SPAG6: variants seen among roughly 807,000 people sequenced by gnomAD.
SPAG6 encodes the protein sperm-associated antigen 6.
SPAG6 carries 49 observed loss-of-function variants against 58.5 expected under a neutral mutation model. That is an observed-to-expected ratio of 0.84 (90% CI 0.67 to 1.06). The LOEUF is 1.06. SPAG6 is among the 50% of genes least tolerant of loss of function. The pLI is 0.00. For missense variants in SPAG6, 560 were observed against 611.3 expected (o/e 0.92, Z 0.89); for synonymous variants, 233 against 225.6 (o/e 1.03, Z -0.29).
At chr10:22,382,916 G>A (rs1588656490) in intron 4 of SPAG6, among the ~76,000 whole-genome samples, 1 of 152,122 alleles carries the variant, frequency 6.6e-6, no homozygotes, top group Non-Finnish European at 1.5e-5. Context: ...CATCAACCCA[G>A]TATAAATGCT....
At chr10:22,410,293 G>T (rs1834697345) in intron 9 of SPAG6, among the ~76,000 whole-genome samples, 1 of 152,136 alleles carries the variant, frequency 6.6e-6, no homozygotes, top group Non-Finnish European at 1.5e-5. Context: ...CTCAAGTATA[G>T]TTTCTGCCTT....
chr10:22,386,668 T>C, intron 4 of SPAG6, 86 bp from the exon 5 acceptor site: 1 of 986,988 alleles, frequency 1.0e-6, no homozygotes, highest in Non-Finnish European at 1.6e-6. Flanking sequence ...TCCCCTTTTT[T>C]CTTTGCTGTA....
At chr10:22,386,080 C>T (rs143563192) in intron 4 of SPAG6, among the ~76,000 whole-genome samples, 2 of 152,146 alleles carry the variant, frequency 1.3e-5, no homozygotes, top group Admixed American at 6.5e-5. Flanking sequence ...CATGTATGTT[C>T]AAAAGATATG....
At chr10:22,369,285 C>G (rs1414291658) in intron 4 of SPAG6, among the ~76,000 whole-genome samples, 1 of 152,118 alleles carries the variant, frequency 6.6e-6, no homozygotes, top group Admixed American at 6.5e-5. Context: ...GGACCTGGGC[C>G]TCTTGTGAGA....
At chr10:22,401,304 GGAA>G (rs1834408859) in intron 9 of SPAG6, 27 bp downstream of exon 9, 1 of 1,080,862 alleles carries the variant, frequency 9.3e-7, no homozygotes, top group Non-Finnish European at 1.4e-6. Context: ...TCTAAGGGGA[GGAA>G]GAAAATTAAA....
At chr10:22,370,510 A>G (rs1043110464) in intron 4 of SPAG6, among the ~76,000 whole-genome samples, 38 of 152,212 alleles carry the variant, frequency 2.5e-4, no homozygotes, top group South Asian at 2.1e-4. Context: ...ATACAGCTTC[A>G]CTAAATACTT....
chr10:22,386,987 A>G, intron 5 of SPAG6, 28 bp downstream of exon 5: 1 of 1,534,504 alleles, frequency 6.5e-7, no homozygotes, highest in Non-Finnish European at 9.0e-7. Context: ...TGAAAAATAC[A>G]TCAGCCTTCT....
At chr10:22,360,746 T>C in intron 2 of SPAG6, 1 of 1,440,384 alleles carries the variant, frequency 6.9e-7, no homozygotes, top group South Asian at 1.3e-5. Flanking sequence ...TGTCGTTTGC[T>C]CCTTACTAGA....
At chr10:22,408,862 GA>G (rs1249407595) in intron 9 of SPAG6, among the ~76,000 whole-genome samples, 1 of 152,222 alleles carries the variant, frequency 6.6e-6, no homozygotes, top group African/African-American at 2.4e-5. Context: ...AAGCCGATTG[GA>G]AAAGCACAGT....
At chr10:22,403,282 C>T (rs538109884) in intron 9 of SPAG6, among the ~76,000 whole-genome samples, 3 of 152,296 alleles carry the variant, frequency 2.0e-5, no homozygotes, top group Middle Eastern at 3.4e-3. Flanking sequence ...TATCCCTCCC[C>T]CCAACCCCCA....
intron 2 of SPAG6, among the ~76,000 whole-genome samples, chr10:22,358,806 C>T (rs1836947523): frequency 6.6e-6 from 1 of 152,274 alleles, no homozygotes; most frequent in East Asian, 1.9e-4. Context: ...ATATGGCTAG[C>T]CAGTTTTCGA....
intron 4 of SPAG6, among the ~76,000 whole-genome samples, chr10:22,386,497 G>A (rs1834065941): frequency 6.7e-6 from 1 of 149,676 alleles, no homozygotes; most frequent in Non-Finnish European, 1.5e-5. Flanking sequence ...AAAAAAAAAA[G>A]AATAACAAGC....
intron 2 of SPAG6, among the ~76,000 whole-genome samples, chr10:22,354,993 C>CA (rs1197423245): frequency 0.03 from 2,224 of 75,236 alleles, 36 homozygotes; most frequent in African/African-American, 0.086. Flanking sequence ...GACTCCGTCT[C>CA]AAAAAAAAAA....
At chr10:22,387,478 G>C (rs1834094135) in intron 5 of SPAG6, among the ~76,000 whole-genome samples, 1 of 152,112 alleles carries the variant, frequency 6.6e-6, no homozygotes, top group African/African-American at 2.4e-5. Context: ...TGTTCTGCTT[G>C]ATGATTTTTG....
intron 4 of SPAG6, among the ~76,000 whole-genome samples, chr10:22,381,574 G>A (rs549317675): frequency 6.8e-6 from 1 of 148,116 alleles, no homozygotes; most frequent in Admixed American, 6.8e-5. Context: ...CCCGGGCCCT[G>A]TGGGCATTTG....
intron 8 of SPAG6, among the ~76,000 whole-genome samples, chr10:22,394,387 T>A (rs1834246180): frequency 6.6e-6 from 1 of 152,206 alleles, no homozygotes; most frequent in Non-Finnish European, 1.5e-5. Context: ...TATAAAACTA[T>A]GTTTAAGATA....
chr10:22,351,606 C>T (rs879324672), intron 2 of SPAG6, among the ~76,000 whole-genome samples: 96 of 152,154 alleles, frequency 6.3e-4, no homozygotes, highest in Non-Finnish European at 1.2e-3. Context: ...ACATTTCTTG[C>T]TTTTTAATCA....
chr10:22,380,671 A>G (rs1352588593), intron 4 of SPAG6, among the ~76,000 whole-genome samples: 1 of 152,086 alleles, frequency 6.6e-6, no homozygotes, highest in East Asian at 1.9e-4. Flanking sequence ...ATACAGCTGT[A>G]TATTTTTATG....
chr10:22,397,186 A>T (rs1016271373), intron 8 of SPAG6, among the ~76,000 whole-genome samples: 2 of 152,142 alleles, frequency 1.3e-5, no homozygotes, highest in African/African-American at 4.8e-5. Flanking sequence ...ATGTAAAAAA[A>T]TCCTAAGGAA....
Sources: allele counts gnomAD v4.1 joint callset (sites outside exome capture counted in the v4.1 genomes callset), GRCh38; gene constraint gnomAD v4.1.1; transcripts MANE v1.5; gene names NCBI Gene and HGNC (gene_info 2026-07-23, HGNC 2026-07-21).